The following ROBO2 variants were observed in gnomAD, a reference collection of about 807,000 sequenced individuals.
The protein encoded by ROBO2 is roundabout guidance receptor 2, also known as roundabout homolog 2.
Under a neutral mutation model 160.8 loss-of-function variants are expected in ROBO2, and 53 were observed. The observed-to-expected ratio is 0.33, with a 90% confidence interval of 0.26 to 0.41. ROBO2 has a LOEUF of 0.41. Ranked by LOEUF, ROBO2 falls within the 10% of genes least tolerant of loss-of-function variation. ROBO2 has a pLI of 1.00. For missense variants in ROBO2, 1,577 were observed against 1,722.4 expected (o/e 0.92, Z 1.49); for synonymous variants, 664 against 611.7 (o/e 1.09, Z -1.26).
At chr3:77,122,062 A>G (rs2074830684) in intron 2 of ROBO2, among the ~76,000 whole-genome samples, 1 of 152,142 alleles carries the variant, frequency 6.6e-6, no homozygotes, top group Non-Finnish European at 1.5e-5. Context: ...TTCACACAAT[A>G]TCTAGAGTGT....
At chr3:76,790,633 A>G (rs2108727172) in intron 2 of ROBO2, among the ~76,000 whole-genome samples, 1 of 151,906 alleles carries the variant, frequency 6.6e-6, no homozygotes, top group South Asian at 2.1e-4. Context: ...CACGAAGCTT[A>G]CTTTTTAATA....
In ROBO2 at chr3:76,620,687, T is replaced by C. The variant is rs146095758; in HGVS notation, c.110-477327T>C. The stretch of plus-strand genomic sequence containing the variant: ...TATAGTTTATATGTACATATCTGTA[T>C]AGCTATTTCTATACATTATGGCCAG... On this transcript the variant is annotated intron_variant, in intron 2 of 26. Transcript: ENST00000487694. 4.0e-3 allele frequency among the ~76,000 whole-genome samples: 606 copies of C among 152,318 alleles called. 1 individual carries two copies. Among genetic ancestry groups the C allele is most frequent in the African/African-American group, 0.014 (578 of 41,578 alleles).
intron 2 of ROBO2, among the ~76,000 whole-genome samples, chr3:77,300,171 G>A (rs1031308660): frequency 6.1e-5 from 9 of 147,572 alleles, no homozygotes; most frequent in African/African-American, 2.2e-4. Context: ...AAATTGTGCA[G>A]TAGGGAAATG....
intron 2 of ROBO2, among the ~76,000 whole-genome samples, chr3:77,180,775 A>G (rs2080702480): frequency 6.6e-6 from 1 of 152,050 alleles, no homozygotes; most frequent in East Asian, 1.9e-4. Flanking sequence ...AATGTCTTAC[A>G]TAAAAACATA....
At chr3:77,268,421 G>A (rs1267369674) in intron 2 of ROBO2, among the ~76,000 whole-genome samples, 2 of 152,134 alleles carry the variant, frequency 1.3e-5, no homozygotes, top group East Asian at 1.9e-4. Flanking sequence ...AAGACTTAAT[G>A]AAATTATTCA....
At chr3:76,339,811 G>A (rs2074109131) in intron 2 of ROBO2, among the ~76,000 whole-genome samples, 1 of 151,972 alleles carries the variant, frequency 6.6e-6, no homozygotes, top group South Asian at 2.1e-4. Context: ...TAATTCATAT[G>A]TTTATATCTC....
rs538001186 is a variant in ROBO2, at chr3:77,540,561, C to T, written c.935-5777C>T. Among the ~76,000 whole-genome samples, 15 of 151,890 alleles carry T rather than the reference C, an allele frequency of 9.9e-5. No homozygotes were observed. In the East Asian group the frequency reaches 2.9e-3, roughly 30 times the overall value. On this transcript the variant is annotated intron_variant, in intron 6 of 25. Transcript: ENST00000461745. ...GGGAGGGGAACAATACACACTGGGG[C>T]CAGTCGGGGGCAGTGGGGGCGCGCA... is the stretch of plus-strand genomic sequence containing the variant.
intron 2 of ROBO2, among the ~76,000 whole-genome samples, chr3:76,871,943 T>A (rs1275756937): frequency 6.6e-6 from 1 of 152,236 alleles, no homozygotes; most frequent in African/African-American, 2.4e-5. Flanking sequence ...AACTCAGCAG[T>A]AAGTCTTCAC....
At chr3:76,756,575 A>C (rs1311863109) in intron 2 of ROBO2, among the ~76,000 whole-genome samples, 2 of 151,930 alleles carry the variant, frequency 1.3e-5, no homozygotes, top group East Asian at 3.9e-4. Flanking sequence ...GAAAATATGC[A>C]GTAGACATAG....
chr3:76,783,772 G>A (rs2062807847), intron 2 of ROBO2, among the ~76,000 whole-genome samples: 1 of 150,548 alleles, frequency 6.6e-6, no homozygotes, highest in African/African-American at 2.4e-5. Context: ...TTAGATTTGG[G>A]GAGTTTTCTG....
At chr3:76,167,952 C>G (rs541145948) in intron 2 of ROBO2, among the ~76,000 whole-genome samples, 4 of 152,282 alleles carry the variant, frequency 2.6e-5, no homozygotes, top group Non-Finnish European at 5.9e-5. Context: ...GGCTCCAAAT[C>G]TCTTGGAAGC....
At chr3:77,442,600 T>C (rs980749681) in intron 2 of ROBO2, among the ~76,000 whole-genome samples, 2 of 152,168 alleles carry the variant, frequency 1.3e-5, no homozygotes, top group African/African-American at 4.8e-5. Flanking sequence ...CATGGCACAA[T>C]ATCATGGTGC....
intron 2 of ROBO2, among the ~76,000 whole-genome samples, chr3:75,938,988 T>C (rs1335208489): frequency 6.6e-6 from 1 of 152,154 alleles, no homozygotes; most frequent in Non-Finnish European, 1.5e-5. Flanking sequence ...AGTAGCCACG[T>C]TGGGTTTCTG....
chr3:76,075,215 C>G (rs1465719696), intron 2 of ROBO2, among the ~76,000 whole-genome samples: 1 of 151,816 alleles, frequency 6.6e-6, no homozygotes, highest in Non-Finnish European at 1.5e-5. Flanking sequence ...GATGGCTCAT[C>G]CAGTATCTAC....
intron 2 of ROBO2, among the ~76,000 whole-genome samples, chr3:77,189,585 C>G (rs2081623161): frequency 1.3e-5 from 2 of 151,812 alleles, no homozygotes; most frequent in African/African-American, 4.8e-5. Flanking sequence ...AGTTTATTCT[C>G]AATATTGTAT....
At chr3:76,516,691 G>A (rs1246886858) in intron 2 of ROBO2, among the ~76,000 whole-genome samples, 1 of 152,128 alleles carries the variant, frequency 6.6e-6, no homozygotes, top group Non-Finnish European at 1.5e-5. Flanking sequence ...GGAGACCTGA[G>A]AGATTCTGTT....
intron 16 of ROBO2, among the ~76,000 whole-genome samples, chr3:77,586,520 G>A (rs1219893062): frequency 6.6e-6 from 1 of 151,976 alleles, no homozygotes; most frequent in Non-Finnish European, 1.5e-5. Flanking sequence ...CAAGAACAAT[G>A]GAGCATTACA....
chr3:75,974,298 G>A (rs2065077049), intron 2 of ROBO2, among the ~76,000 whole-genome samples: 1 of 151,600 alleles, frequency 6.6e-6, no homozygotes, highest in African/African-American at 2.4e-5. Flanking sequence ...GTGCATAGAA[G>A]CAGAGATAAA....
intron 2 of ROBO2, among the ~76,000 whole-genome samples, chr3:76,449,953 C>T (rs941604180): frequency 2.6e-5 from 4 of 152,196 alleles, no homozygotes; most frequent in East Asian, 3.9e-4. Context: ...AAGCAATAAA[C>T]AGCTTTACAC....
Sources: gnomAD v4.1 joint callset for allele counts (sites outside exome capture counted in the v4.1 genomes callset) on GRCh38, gnomAD v4.1.1 for gene constraint, MANE v1.5 for transcripts, NCBI Gene and HGNC (gene_info 2026-07-23, HGNC 2026-07-21) for gene names.